ZNF177: variants seen among roughly 807,000 people sequenced by gnomAD.
ZNF177 encodes zinc finger protein 177.
Under a neutral mutation model 19.4 loss-of-function variants are expected in ZNF177, and 17 were observed. That is an observed-to-expected ratio of 0.87 (90% CI 0.60 to 1.31). The LOEUF is 1.31. Among genes scored for constraint, ZNF177 ranks in the 40% most tolerant of loss-of-function variants. The pLI is 0.00. For synonymous variants in ZNF177, 220 were observed against 188.7 expected (o/e 1.17, Z -1.36); for missense variants, 633 against 561.8 (o/e 1.13, Z -1.28).
chr19:9,370,300 T>G (rs1277722862), intron 2 of ZNF177, among the ~76,000 whole-genome samples: 2 of 152,148 alleles, frequency 1.3e-5, no homozygotes, highest in East Asian at 3.8e-4. Context: ...GCATAGAACC[T>G]ACACACATCC....
intron 5 of ZNF177, 78 bp from the exon 8 acceptor site, chr19:9,380,590 A>C: frequency 6.5e-7 from 1 of 1,535,778 alleles, no homozygotes; most frequent in Non-Finnish European, 8.7e-7. Context: ...ATATGGCAGA[A>C]TCCTCATGGA....
At chr19:9,375,224 T>C (rs2068094711), upstream of ZNF177, among the ~76,000 whole-genome samples, 1 of 152,202 alleles carries the variant, frequency 6.6e-6, no homozygotes, top group East Asian at 1.9e-4. Context: ...TAAGGTACTG[T>C]TGAATTTGGT....
chr19:9,366,810 C>G (rs773940705), intron 2 of ZNF177, among the ~76,000 whole-genome samples: 36 of 152,262 alleles, frequency 2.4e-4, no homozygotes, highest in Non-Finnish European at 4.4e-4. Flanking sequence ...CTTCACTCCC[C>G]TCCACAAAAA....
upstream of ZNF177, among the ~76,000 whole-genome samples, chr19:9,376,048 A>G (rs548159574): frequency 1.7e-4 from 26 of 152,306 alleles, no homozygotes; most frequent in Non-Finnish European, 3.5e-4. Context: ...TCTTAAAGCT[A>G]TAGTGAGCTT....
chr19:9,367,187 G>A (rs530027811), intron 2 of ZNF177, among the ~76,000 whole-genome samples: 2 of 152,202 alleles, frequency 1.3e-5, no homozygotes, highest in South Asian at 4.1e-4. Context: ...GGGTGTGGTG[G>A]CACGCGTCTG....
At chr19:9,366,189 G>A (rs760453259) in intron 2 of ZNF177, among the ~76,000 whole-genome samples, 26 of 152,102 alleles carry the variant, frequency 1.7e-4, no homozygotes, top group Non-Finnish European at 3.7e-4. Flanking sequence ...CACCATGTTG[G>A]CCAGAGTGGT....
At chr19:9,374,958 G>A (rs908440016), upstream of ZNF177, among the ~76,000 whole-genome samples, 16 of 152,056 alleles carry the variant, frequency 1.1e-4, no homozygotes, top group African/African-American at 3.6e-4. Flanking sequence ...TTTTATAATT[G>A]GCTGTAAGCT....
chr19:9,376,241 C>G (rs983386616), upstream of ZNF177: 1 of 152,152 alleles, frequency 6.6e-6, no homozygotes, highest in Non-Finnish European at 1.5e-5. Flanking sequence ...TCCTCCCACC[C>G]TAGCCCACCA....
At chr19:9,374,325 T>C (rs2068083610), upstream of ZNF177, among the ~76,000 whole-genome samples, 1 of 152,234 alleles carries the variant, frequency 6.6e-6, no homozygotes, top group African/African-American at 2.4e-5. Flanking sequence ...AATAAGGAAG[T>C]GTGATGCCTC....
chr19:9,378,869 CCT>C, intron 2 of ZNF177, 91 bp from the exon 5 acceptor site: 1 of 1,453,362 alleles, frequency 6.9e-7, no homozygotes, highest in Non-Finnish European at 9.1e-7. Context: ...CCCTGAGTCT[CCT>C]CTCCAGTCCT....
exon 6 of ZNF177, chr19:9,381,238 A>G (rs1406259858): frequency 3.7e-6 from 6 of 1,614,060 alleles, no homozygotes; most frequent in African/African-American, 2.7e-5. Flanking sequence ...TAAGAAACAC[A>G]TGAGATCTCA....
chr19:9,366,710 G>A (rs1039608765), intron 2 of ZNF177, among the ~76,000 whole-genome samples: 2 of 152,228 alleles, frequency 1.3e-5, no homozygotes, highest in African/African-American at 4.8e-5. Context: ...ATACCTAGGA[G>A]TGGAATGCCT....
chr19:9,378,823 A>G (rs2068148020), intron 2 of ZNF177, 139 bp from the exon 5 acceptor site: 10 of 1,316,626 alleles, frequency 7.6e-6, no homozygotes, highest in South Asian at 2.0e-5. Context: ...AGGCAAATTA[A>G]GAGAAGGCCT....
At chr19:9,364,684 TGAG>T (rs1259719559) in intron 1 of ZNF177, among the ~76,000 whole-genome samples, 175 bp from the exon 2 acceptor site, 6 of 152,026 alleles carry the variant, frequency 3.9e-5, no homozygotes, top group Non-Finnish European at 8.8e-5. Context: ...AGTAAAAAGA[TGAG>T]GAGTGCTGAA....
At chr19:9,369,107 T>C (rs2068015988) in intron 2 of ZNF177, among the ~76,000 whole-genome samples, 1 of 152,120 alleles carries the variant, frequency 6.6e-6, no homozygotes, top group Admixed American at 6.5e-5. Flanking sequence ...AAACACTTCA[T>C]GTGTGCTTCA....
intron 1 of ZNF177, among the ~76,000 whole-genome samples, chr19:9,364,363 T>TG (rs1484402062): frequency 6.6e-6 from 1 of 152,182 alleles, no homozygotes; most frequent in Non-Finnish European, 1.5e-5. Context: ...ATGACTGTGA[T>TG]GCTAGCAGAG....
At chr19:9,367,026 A>G (rs1366552571) in intron 2 of ZNF177, among the ~76,000 whole-genome samples, 1 of 152,196 alleles carries the variant, frequency 6.6e-6, no homozygotes, top group East Asian at 1.9e-4. Flanking sequence ...TTGTGTTTTC[A>G]AAAGTCAGCT....
intron 2 of ZNF177, among the ~76,000 whole-genome samples, chr19:9,370,661 A>G (rs1028891254): frequency 4.6e-5 from 7 of 152,146 alleles, no homozygotes; most frequent in Admixed American, 4.6e-4. Flanking sequence ...GCTTCAAGGC[A>G]TCCTCCTGCC....
At chr19:9,381,277 C>T (rs1268354533) in exon 6 of ZNF177, 6 of 1,613,928 alleles carry the variant, frequency 3.7e-6, no homozygotes, top group Non-Finnish European at 5.1e-6. Flanking sequence ...TGAGTGTGAT[C>T]ACTGTGGAAA....
Sources: allele counts gnomAD v4.1 joint callset (sites outside exome capture counted in the v4.1 genomes callset), GRCh38; gene constraint gnomAD v4.1.1; transcripts MANE v1.5; gene names NCBI Gene and HGNC (gene_info 2026-07-23, HGNC 2026-07-21).